ZNF780B: variants seen among roughly 807,000 people sequenced by gnomAD.
ZNF780B encodes zinc finger protein 780B, also known as zinc finger protein 779.
ZNF780B carries 52 observed loss-of-function variants against 74.1 expected under a neutral mutation model. The observed-to-expected ratio is 0.70, with a 90% CI of 0.56 to 0.88. The LOEUF (loss-of-function observed/expected upper bound fraction) is 0.88. ZNF780B is among the 40% of genes least tolerant of loss of function. ZNF780B has a pLI of 0.00. For missense variants in ZNF780B, 953 were observed against 1,007.6 expected (o/e 0.95, Z 0.73); for synonymous variants, 315 against 324.3 (o/e 0.97, Z 0.31).
chr19:40,033,124 C>G lies in ZNF780B; in HGVS notation c.*1233G>C, dbSNP rs1307055664. ...GATTTGTGGTATCCCCAAACAATTA[C>G]ACTAGTAACAATTACACTAGTAATC... On this transcript the variant is annotated 3_prime_UTR_variant, in exon 5 of 5. Transcript: ENST00000434248. 6.6e-6 allele frequency: 1 copy of G among 152,508 alleles called. No homozygotes were observed. Among genetic ancestry groups the G allele is most frequent in the African/African-American group, 2.4e-5 (1 of 41,450 alleles). 9.4% of individuals were successfully genotyped at this position (152,508 alleles called of 1,614,324 possible). A position where few individuals can be genotyped will look rare whatever the true frequency, so the allele number is the denominator to read the frequency against.
Position 40,028,920 on chromosome 19 carries a change from G to A in ZNF780B, c.*5437C>T, listed in dbSNP as rs1250606345. On this transcript the variant is annotated 3_prime_UTR_variant, in exon 5 of 5. Coordinates refer to ENST00000434248, the MANE Select transcript of ZNF780B (RefSeq NM_001005851.3). ...TTACATCCTACTTGCCATAAGTTATGTCACATGACAACACCTTGGAGAAAT... is the reference window on the plus strand; with the variant it reads ...TTACATCCTACTTGCCATAAGTTATATCACATGACAACACCTTGGAGAAAT... The A allele has an allele frequency of 6.6e-6, 1 of 152,182 alleles. No homozygotes were observed. The highest frequency in any genetic ancestry group is 1.5e-5 in the Non-Finnish European group (1 of 68,034). The allele number at this position is 152,182 out of a possible 1,614,324, so 9.4% of individuals were successfully genotyped here. A position where few individuals can be genotyped will look rare whatever the true frequency, so the allele number is the denominator to read the frequency against.
At position 40,035,051 on chromosome 19, in the gene ZNF780B, T is replaced by C. The variant is rs199528780; in HGVS notation, c.1808A>G (p.His603Arg). The C allele has an allele frequency of 1.9e-5, 31 of 1,614,202 alleles. No individual in the cohort carries two copies. Among genetic ancestry groups the C allele is most frequent in the Admixed American group, 3.3e-5 (2 of 60,026 alleles). ...AFRLHMHLIR[H>R]QKFHTGEKPF... is the part of the protein sequence containing the mutation. ...CTTCTCACCAGTATGAAATTTCTGATGTCGAATAAGGTGCATATGAAGTCG... is the reference window on the plus strand; with the variant it reads ...CTTCTCACCAGTATGAAATTTCTGACGTCGAATAAGGTGCATATGAAGTCG... Residue 603 changes from histidine (H) to arginine (R), a missense_variant, in exon 5 of 5, where the codon CAT becomes CGT. Coordinates refer to ENST00000434248, the MANE Select transcript of ZNF780B (RefSeq NM_001005851.3).
At chr19:40,037,187 T>A (rs1219501409) in intron 4 of ZNF780B, among the ~76,000 whole-genome samples, 2 of 151,590 alleles carry the variant, frequency 1.3e-5, no homozygotes, top group African/African-American at 2.4e-5. Flanking sequence ...AGTGCTGGGA[T>A]TACAGGTGTG....
In ZNF780B at chr19:40,038,484, C is replaced by T. The variant is rs529024759; in HGVS notation, c.233-1858G>A. ...TTCTAGTTCTAGATCCCTGAGGAAT[C>T]GCCACACTGCCTTCCACAATGGTTG... On this transcript the variant is annotated intron_variant, in intron 4 of 4. Coordinates refer to ENST00000434248, the MANE Select transcript of ZNF780B (RefSeq NM_001005851.3). Among the ~76,000 whole-genome samples, 424 of 150,020 alleles carry T rather than the reference C, an allele frequency of 2.8e-3. 4 individuals carry two copies. Among genetic ancestry groups the T allele is most frequent in the African/African-American group, 9.8e-3 (399 of 40,798 alleles).
At position 40,028,305 on chromosome 19, in the gene ZNF780B, C is replaced by G. The variant is rs997194797; in HGVS notation, c.*6052G>C. The stretch of plus-strand genomic sequence containing the variant: ...TTATTAGAAAATGAGTTTGCAGAGC[C>G]CCCCCATCTACCATCCAGAAGTGGA... On this transcript the variant is annotated 3_prime_UTR_variant, in exon 5 of 5. Transcript: ENST00000434248. 1 of 151,978 alleles carries G rather than the reference C, an allele frequency of 6.6e-6. No individual in the cohort carries two copies. Among genetic ancestry groups the G allele is most frequent in the Admixed American group, 6.6e-5 (1 of 15,256 alleles). The allele number at this position is 151,978 out of a possible 1,614,324, so 9.4% of individuals were successfully genotyped here.
intron 4 of ZNF780B, among the ~76,000 whole-genome samples, chr19:40,044,157 A>G (rs1316939196): frequency 6.6e-6 from 1 of 152,196 alleles, no homozygotes; most frequent in African/African-American, 2.4e-5. Context: ...ACAACAAAAT[A>G]TTTGAATTTT....
Position 40,034,190 on chromosome 19 carries a change from C to G in ZNF780B, c.*167G>C. On this transcript the variant is annotated 3_prime_UTR_variant, in exon 5 of 5. Transcript: ENST00000434248. ...CACATTCTTCACATTGATATGGTTT[C>G]TCACCAGTATGAATTCTCTGATGTA... The G allele has an allele frequency of 1.5e-6, 1 of 688,990 alleles. No homozygotes were observed. Among genetic ancestry groups the G allele is most frequent in the Non-Finnish European group, 2.5e-6 (1 of 392,232 alleles). 42.7% of individuals were successfully genotyped at this position (688,990 alleles called of 1,614,324 possible).
intron 1 of ZNF780B, chr19:40,055,638 C>T (rs1236203313): frequency 6.6e-6 from 1 of 152,160 alleles, no homozygotes; most frequent in Non-Finnish European, 1.5e-5. Context: ...GAAGCTGGTT[C>T]CTGGGGACAG....
At position 40,050,612 on chromosome 19, in the gene ZNF780B, G is replaced by T. The variant is rs143038854; in HGVS notation, c.-45-235C>A. On this transcript the variant is annotated intron_variant, in intron 1 of 4. Transcript: ENST00000434248. ...TCGCCTACATCCCAGGGAACCTGCG[G>T]CGGAAGCATGAATGCCGAGCACAGG... 6.3e-3 allele frequency among the ~76,000 whole-genome samples: 965 copies of T among 152,362 alleles called. 6 individuals carry two copies. The highest frequency in any genetic ancestry group is 0.014 in the Middle Eastern group (4 of 294).
At position 40,036,494 on chromosome 19, in the gene ZNF780B, G is replaced by C; in HGVS notation, c.365C>G (p.Ser122Ter). The change falls in exon 5 of 5, where the codon TCA becomes TGA. Residue 122 changes from serine (S) to a stop codon, truncating the protein, a stop_gained. Transcript: ENST00000434248. LOFTEE classifies it high-confidence loss of function. ...TCCCTCAAATCTACTTCTATATTCT[G>C]AGTCATTTCTAAAATAAAAGGCCTC... ...GLEAFYFRND[S>*]EYRSRFEGRQ... 1 of 1,610,040 alleles carries C rather than the reference G, an allele frequency of 6.2e-7. No individual in the cohort carries two copies.
intron 1 of ZNF780B, among the ~76,000 whole-genome samples, chr19:40,051,225 CACACACACATATAT>C (rs1350424742): frequency 3.4e-5 from 5 of 149,200 alleles, no homozygotes; most frequent in African/African-American, 1.3e-4. Flanking sequence ...CACACACACA[CACACACACATATAT>C]ACACACATAT....
At chr19:40,051,676 T>C (rs1973240694) in intron 1 of ZNF780B, among the ~76,000 whole-genome samples, 1 of 152,202 alleles carries the variant, frequency 6.6e-6, no homozygotes, top group Admixed American at 6.5e-5. Flanking sequence ...AATGTGACTA[T>C]AACAAATAAC....
In ZNF780B at chr19:40,035,013, T is replaced by C. The variant is rs758462164; in HGVS notation, c.1846A>G (p.Lys616Glu). The C allele has an allele frequency of 6.8e-6, 11 of 1,614,090 alleles. No individual in the cohort carries two copies. Among genetic ancestry groups the C allele is most frequent in the Non-Finnish European group, 8.5e-6 (10 of 1,179,938 alleles). The change falls in exon 5 of 5, where the codon AAG (lysine) becomes GAG (glutamate). Residue 616 changes from lysine to glutamate, a missense_variant. Transcript: ENST00000434248. ...AGACTGAAGGCCTTGCCACATTCCTTACATTCAAAGGGCTTCTCACCAGTA... is the reference window on the plus strand; with the variant it reads ...AGACTGAAGGCCTTGCCACATTCCTCACATTCAAAGGGCTTCTCACCAGTA... The part of the protein sequence containing the change: ...FHTGEKPFEC[K>E]ECGKAFSLHT...
At chr19:40,038,143 C>G (rs545443292) in intron 4 of ZNF780B, among the ~76,000 whole-genome samples, 4 of 152,074 alleles carry the variant, frequency 2.6e-5, no homozygotes, top group African/African-American at 9.6e-5. Context: ...CAATTCCCAC[C>G]TATGAGTCAG....
At position 40,034,274 on chromosome 19, in the gene ZNF780B, C is replaced by T; in HGVS notation, c.*83G>A. On this transcript the variant is annotated 3_prime_UTR_variant, in exon 5 of 5. Transcript: ENST00000434248. ...CACATCCTTGACATTCATAAGGGTT[C>T]TCACGAATATGAAATCTATAATGTC... 1 of 1,197,446 alleles carries T rather than the reference C, an allele frequency of 8.4e-7. No individual in the cohort carries two copies. The highest frequency in any genetic ancestry group is 1.2e-6 in the Non-Finnish European group (1 of 847,022). The allele number at this position is 1,197,446 out of a possible 1,614,324, so 74.2% of individuals were successfully genotyped here. A position where few individuals can be genotyped will look rare whatever the true frequency, so the allele number is the denominator to read the frequency against.
In ZNF780B at chr19:40,034,740, T is replaced by TA; in HGVS notation, c.2118dup (p.Arg707Ter). 2 of 1,613,984 alleles carry TA rather than the reference T, an allele frequency of 1.2e-6. No homozygotes were observed. The highest frequency in any genetic ancestry group is 2.2e-5 in the South Asian group (2 of 91,068). On this transcript the variant is annotated frameshift_variant, in exon 5 of 5. Coordinates refer to ENST00000434248, the MANE Select transcript of ZNF780B (RefSeq NM_001005851.3). LOFTEE classifies it high-confidence loss of function. Reference sequence around the variant, plus strand: ...TGTTCAGTAAGCTGGTAATGATATCTAAAGGTCTTCCTACACTCCTTACAT... The same window carrying TA: ...TGTTCAGTAAGCTGGTAATGATATCTAAAAGGTCTTCCTACACTCCTTACAT...
In ZNF780B at chr19:40,034,961, T is replaced by C; in HGVS notation, c.1898A>G (p.Asn633Ser). Residue 633 changes from asparagine to serine, a missense_variant, in exon 5 of 5, where the codon AAC becomes AGC. Asn to Ser is a conservative substitution (Grantham distance 46). Transcript: ENST00000434248. The part of the protein sequence containing the change: ...SLHTQLNHHK[N>S]IHTGEKPFKC... Reference sequence around the variant, plus strand: ...AAATGGCTTCTCACCTGTGTGAATGTTCTTATGGTGATTAAGCTGGGTGTG... The same window carrying C: ...AAATGGCTTCTCACCTGTGTGAATGCTCTTATGGTGATTAAGCTGGGTGTG... 6.2e-7 allele frequency: 1 copy of C among 1,613,842 alleles called. No individual in the cohort carries two copies. Among genetic ancestry groups the C allele is most frequent in the South Asian group, 1.1e-5 (1 of 91,064 alleles).
intron 4 of ZNF780B, among the ~76,000 whole-genome samples, chr19:40,044,352 C>CA (rs1177725172): frequency 6.6e-6 from 1 of 152,004 alleles, no homozygotes; most frequent in Non-Finnish European, 1.5e-5. Flanking sequence ...ATATAAAAGT[C>CA]AAAGACAAAA....
At chr19:40,036,736 G>C in intron 4 of ZNF780B, 110 bp from the exon 5 acceptor site, 1 of 680,778 alleles carries the variant, frequency 1.5e-6, no homozygotes, top group South Asian at 2.9e-5. Context: ...TCAGGGAAGG[G>C]ATCTGAAAAA....
Sources: allele counts gnomAD v4.1 joint callset (sites outside exome capture counted in the v4.1 genomes callset), GRCh38; gene constraint gnomAD v4.1.1; transcripts MANE v1.5; gene names NCBI Gene and HGNC (gene_info 2026-07-23, HGNC 2026-07-21).